Variants in SEMA5A observed in about 807,000 individuals in gnomAD.
SEMA5A encodes the protein semaphorin 5A.
In SEMA5A, 55 loss-of-function variants were observed where a neutral mutation model predicts 135.5. That is an observed-to-expected ratio of 0.41 (90% CI 0.33 to 0.51). SEMA5A has a LOEUF of 0.51. Ranked by LOEUF, SEMA5A falls within the 20% of genes least tolerant of loss-of-function variation. The pLI is 0.37. For missense variants in SEMA5A, 1,290 were observed against 1,419.9 expected (o/e 0.91, Z 1.47); for synonymous variants, 580 against 546.5 (o/e 1.06, Z -0.85).
chr5:9,142,816 T>G (rs1579471510), intron 12 of SEMA5A, among the ~76,000 whole-genome samples: 2 of 152,262 alleles, frequency 1.3e-5, no homozygotes, highest in South Asian at 4.1e-4. Flanking sequence ...ATAGAAAAAT[T>G]AACCGGGCAT....
At chr5:9,378,750 C>T (rs1755470613) in intron 3 of SEMA5A, among the ~76,000 whole-genome samples, 1 of 152,194 alleles carries the variant, frequency 6.6e-6, no homozygotes, top group Non-Finnish European at 1.5e-5. Flanking sequence ...CTCGATTTGA[C>T]TTAACTGGCC....
intron 11 of SEMA5A, 93 bp downstream of exon 11, chr5:9,190,174 G>T: frequency 2.9e-6 from 4 of 1,364,146 alleles, no homozygotes; most frequent in Non-Finnish European, 4.1e-6. Flanking sequence ...CAGGCGTAAA[G>T]CTTGAAATTG....
chr5:9,217,679 A>G (rs774585354), intron 8 of SEMA5A, among the ~76,000 whole-genome samples: 3 of 152,190 alleles, frequency 2.0e-5, no homozygotes, highest in Non-Finnish European at 4.4e-5. Flanking sequence ...CACAATTCTC[A>G]AAGGTTTTGT....
At chr5:9,153,721 A>G (rs960623229) in intron 12 of SEMA5A, among the ~76,000 whole-genome samples, 5 of 152,032 alleles carry the variant, frequency 3.3e-5, no homozygotes, top group Admixed American at 2.0e-4. Flanking sequence ...ATACCTTATA[A>G]TATTTTTTGT....
chr5:9,047,834 T>C (rs1430282147), intron 21 of SEMA5A, among the ~76,000 whole-genome samples: 1 of 152,210 alleles, frequency 6.6e-6, no homozygotes, highest in Non-Finnish European at 1.5e-5. Flanking sequence ...CTTCCTCTGA[T>C]TTAACCAATA....
At chr5:9,420,239 G>C (rs1757418747) in intron 2 of SEMA5A, among the ~76,000 whole-genome samples, 1 of 152,102 alleles carries the variant, frequency 6.6e-6, no homozygotes. Context: ...AGTGGTGCTA[G>C]TGGGCTGTAT....
At chr5:9,365,752 A>G (rs1477976540) in intron 3 of SEMA5A, among the ~76,000 whole-genome samples, 1 of 152,204 alleles carries the variant, frequency 6.6e-6, no homozygotes, top group East Asian at 1.9e-4. Flanking sequence ...TTCATGTAAG[A>G]TTTGGCTTTT....
intron 5 of SEMA5A, among the ~76,000 whole-genome samples, chr5:9,277,000 G>T (rs971337271): frequency 1.3e-5 from 2 of 152,112 alleles, no homozygotes; most frequent in African/African-American, 4.8e-5. Context: ...CACAGCAAAA[G>T]AAACTATCAT....
intron 21 of SEMA5A, among the ~76,000 whole-genome samples, chr5:9,046,867 G>T (rs1449811950): frequency 6.6e-6 from 1 of 152,194 alleles, no homozygotes; most frequent in Non-Finnish European, 1.5e-5. Context: ...GACCACTGAA[G>T]TGCCAGTGGA....
At chr5:9,237,689 C>A (rs1747983192) in intron 6 of SEMA5A, 139 bp downstream of exon 6, 1 of 604,766 alleles carries the variant, frequency 1.7e-6, no homozygotes, top group Non-Finnish European at 2.8e-6. Flanking sequence ...TGAGAATATA[C>A]CGTATACATA....
chr5:9,265,534 G>A (rs934380151), intron 5 of SEMA5A: 17 of 456,220 alleles, frequency 3.7e-5, no homozygotes, highest in Middle Eastern at 3.2e-4. Context: ...CGGTCCTCCT[G>A]CTCCAGGCTG....
At chr5:9,442,969 A>G (rs572574323) in intron 1 of SEMA5A, among the ~76,000 whole-genome samples, 115 of 152,332 alleles carry the variant, frequency 7.5e-4, no homozygotes, top group Non-Finnish European at 1.4e-3. Flanking sequence ...CCTTCATCCA[A>G]TGCCAACTGG....
At chr5:9,529,973 G>A (rs998059277) in intron 1 of SEMA5A, among the ~76,000 whole-genome samples, 2 of 152,188 alleles carry the variant, frequency 1.3e-5, no homozygotes, top group East Asian at 1.9e-4. Context: ...GGTGTCACGT[G>A]GAAATAGCCT....
At chr5:9,056,932 T>C (rs1736925762) in intron 18 of SEMA5A, among the ~76,000 whole-genome samples, 1 of 152,194 alleles carries the variant, frequency 6.6e-6, no homozygotes, top group South Asian at 2.1e-4. Flanking sequence ...TACAATGAAA[T>C]ACTATTCAAC....
At chr5:9,417,815 G>C (rs574063538) in intron 2 of SEMA5A, among the ~76,000 whole-genome samples, 4 of 152,276 alleles carry the variant, frequency 2.6e-5, no homozygotes, top group Admixed American at 6.5e-5. Context: ...GCTTGAACAA[G>C]AGAAATGTAT....
intron 9 of SEMA5A, among the ~76,000 whole-genome samples, chr5:9,198,255 CT>C (rs1745523836): frequency 6.6e-6 from 1 of 152,180 alleles, no homozygotes; most frequent in South Asian, 2.1e-4. Context: ...TTGATAAATA[CT>C]GAATAGGAAC....
intron 5 of SEMA5A, among the ~76,000 whole-genome samples, chr5:9,290,243 G>A (rs560827298): frequency 2.3e-4 from 35 of 152,012 alleles, no homozygotes; most frequent in African/African-American, 6.5e-4. Context: ...CCATTGTATC[G>A]TTCTTATGCC....
At position 9,423,088 on chromosome 5, in the gene SEMA5A, T is replaced by A. The variant is rs547502826; in HGVS notation, c.-78+14668A>T. 1.1e-4 allele frequency among the ~76,000 whole-genome samples: 16 copies of A among 152,258 alleles called. No individual in the cohort carries two copies. In the East Asian group the frequency reaches 3.1e-3, roughly 30 times the overall value. On this transcript the variant is annotated intron_variant, in intron 2 of 22. Coordinates refer to ENST00000382496, the MANE Select transcript of SEMA5A (RefSeq NM_003966.3). Reference sequence around the variant, plus strand: ...TCATTAAAGGGTGTATTAGCTGATATCTTACCACCGCCATGCAGCAGAGAA... The same window carrying A: ...TCATTAAAGGGTGTATTAGCTGATAACTTACCACCGCCATGCAGCAGAGAA...
chr5:9,248,221 A>G (rs1230370894), intron 5 of SEMA5A, among the ~76,000 whole-genome samples: 1 of 152,180 alleles, frequency 6.6e-6, no homozygotes, highest in Non-Finnish European at 1.5e-5. Flanking sequence ...TGTCTGTAAC[A>G]TCTGGGATAT....
Sources: allele counts gnomAD v4.1 joint callset (sites outside exome capture counted in the v4.1 genomes callset), GRCh38; gene constraint gnomAD v4.1.1; transcripts MANE v1.5; gene names NCBI Gene and HGNC (gene_info 2026-07-23, HGNC 2026-07-21).